Variants in RBFOX1 observed in about 807,000 individuals in gnomAD.
The protein encoded by RBFOX1 is RNA binding protein fox-1 homolog 1.
A neutral mutation model predicts 57.7 loss-of-function variants in RBFOX1; 8 were observed. The observed-to-expected ratio is 0.14, with a 90% CI of 0.08 to 0.25. The LOEUF (loss-of-function observed/expected upper bound fraction) is 0.25, where lower values mean the gene tolerates loss of function less well. Among genes scored for constraint, RBFOX1 ranks in the 10% least tolerant of loss-of-function variants. RBFOX1 has a pLI of 1.00. For missense variants in RBFOX1, 611 were observed against 548.5 expected (o/e 1.11, Z -1.14); for synonymous variants, 326 against 222.4 (o/e 1.47, Z -4.15).
intron 3 of RBFOX1, among the ~76,000 whole-genome samples, chr16:6,728,146 T>A (rs1210729660): frequency 1.3e-5 from 2 of 152,246 alleles, no homozygotes; most frequent in Non-Finnish European, 2.9e-5. Context: ...TTTGTTTTCA[T>A]ATCCATTCAT....
At chr16:6,879,623 G>A (rs1390913208) in intron 3 of RBFOX1, among the ~76,000 whole-genome samples, 1 of 152,138 alleles carries the variant, frequency 6.6e-6, no homozygotes, top group African/African-American at 2.4e-5. Context: ...AATATGTCAT[G>A]CGATGTTTTA....
intron 4 of RBFOX1, among the ~76,000 whole-genome samples, chr16:7,226,193 C>G (rs1198017972): frequency 1.3e-5 from 2 of 152,176 alleles, no homozygotes; most frequent in South Asian, 2.1e-4. Context: ...CTCAGGTACC[C>G]TGTGCACATC....
At chr16:7,200,637 A>G (rs1166469342) in intron 4 of RBFOX1, among the ~76,000 whole-genome samples, 3 of 152,208 alleles carry the variant, frequency 2.0e-5, no homozygotes, top group South Asian at 2.1e-4. Flanking sequence ...TTTTAAAGGA[A>G]TAGAGTGCTT....
intron 2 of RBFOX1, among the ~76,000 whole-genome samples, chr16:6,459,968 G>C (rs998860738): frequency 6.1e-5 from 5 of 82,236 alleles, no homozygotes; most frequent in Non-Finnish European, 9.3e-5. Context: ...CGGGCAACAA[G>C]AGTGAAACTC....
intron 4 of RBFOX1, among the ~76,000 whole-genome samples, chr16:7,350,285 A>G (rs1033150695): frequency 1.3e-5 from 2 of 152,134 alleles, no homozygotes; most frequent in Non-Finnish European, 2.9e-5. Flanking sequence ...AAAGAGGTCT[A>G]AGGGGAGGAA....
intron 1 of RBFOX1, among the ~76,000 whole-genome samples, chr16:6,273,636 A>G (rs1335411646): frequency 1.3e-5 from 2 of 152,022 alleles, no homozygotes; most frequent in Non-Finnish European, 2.9e-5. Flanking sequence ...GTGAGCCACC[A>G]TGCTTGGCCT....
chr16:7,607,039 G>C (rs554284208), intron 9 of RBFOX1, among the ~76,000 whole-genome samples: 17 of 152,090 alleles, frequency 1.1e-4, no homozygotes, highest in African/African-American at 4.1e-4. Context: ...TTTTCAAAGG[G>C]TTCACTTGTG....
chr16:6,872,044 T>C (rs998390456), intron 3 of RBFOX1, among the ~76,000 whole-genome samples: 8 of 151,540 alleles, frequency 5.3e-5, no homozygotes, highest in Admixed American at 1.3e-4. Context: ...GTAGGTATCG[T>C]TTCTGGAAAG....
At chr16:7,301,886 C>G (rs1480938476) in intron 4 of RBFOX1, among the ~76,000 whole-genome samples, 3 of 152,042 alleles carry the variant, frequency 2.0e-5, no homozygotes, top group African/African-American at 7.2e-5. Context: ...TGTGGAGTGA[C>G]TTTCTCTTTA....
intron 4 of RBFOX1, among the ~76,000 whole-genome samples, chr16:6,007,953 C>A (rs1024314082): frequency 6.6e-6 from 1 of 152,262 alleles, no homozygotes; most frequent in African/African-American, 2.4e-5. Context: ...TGGCTCACAT[C>A]TGTAATCCCA....
At chr16:7,096,931 C>CAAAAAAA (rs59519427) in intron 4 of RBFOX1, among the ~76,000 whole-genome samples, 5 of 69,102 alleles carry the variant, frequency 7.2e-5, no homozygotes, top group African/African-American at 2.3e-4. Context: ...GACTCCATCT[C>CAAAAAAA]AAAAAAAAAA....
At chr16:6,871,394 C>T (rs2060850436) in intron 3 of RBFOX1, among the ~76,000 whole-genome samples, 1 of 152,108 alleles carries the variant, frequency 6.6e-6, no homozygotes, top group African/African-American at 2.4e-5. Flanking sequence ...GTATGTTGGC[C>T]AGGCTGGTCT....
At chr16:6,931,465 G>A (rs1407422231) in intron 3 of RBFOX1, among the ~76,000 whole-genome samples, 1 of 152,080 alleles carries the variant, frequency 6.6e-6, no homozygotes, top group Non-Finnish European at 1.5e-5. Context: ...TCTCTGCAGG[G>A]TATAATCCCA....
intron 3 of RBFOX1, among the ~76,000 whole-genome samples, chr16:6,908,142 T>G (rs961739831): frequency 1.3e-5 from 2 of 151,762 alleles, no homozygotes; most frequent in African/African-American, 4.8e-5. Context: ...GGGAAACAAT[T>G]CAGCTCCTAA....
At chr16:6,323,516 A>G (rs2082040720) in intron 2 of RBFOX1, among the ~76,000 whole-genome samples, 1 of 152,074 alleles carries the variant, frequency 6.6e-6, no homozygotes, top group African/African-American at 2.4e-5. Context: ...AGTTGAATGA[A>G]TTTGTGCTGT....
At chr16:5,588,346 G>C (rs2046900034) in intron 2 of RBFOX1, among the ~76,000 whole-genome samples, 1 of 152,142 alleles carries the variant, frequency 6.6e-6, no homozygotes, top group Non-Finnish European at 1.5e-5. Context: ...AGAATTACTA[G>C]GTGAATTAGC....
intron 2 of RBFOX1, among the ~76,000 whole-genome samples, chr16:6,519,045 A>T (rs544473476): frequency 6.6e-6 from 1 of 151,418 alleles, no homozygotes; most frequent in South Asian, 2.1e-4. Flanking sequence ...CTTAATTCTA[A>T]CTACTTTCTC....
intron 2 of RBFOX1, among the ~76,000 whole-genome samples, chr16:6,391,385 C>T (rs184533243): frequency 6.6e-6 from 1 of 152,050 alleles, no homozygotes; most frequent in East Asian, 2.0e-4. Flanking sequence ...CGGCGGGCAC[C>T]TGTAGTCCCA....
chr16:5,671,317 A>G (rs535019257), intron 3 of RBFOX1, among the ~76,000 whole-genome samples: 1 of 152,338 alleles, frequency 6.6e-6, no homozygotes, highest in South Asian at 2.1e-4. Flanking sequence ...AGACATGATC[A>G]TCTTATTAGT....
Sources: allele counts gnomAD v4.1 joint callset (sites outside exome capture counted in the v4.1 genomes callset), GRCh38; gene constraint gnomAD v4.1.1; transcripts MANE v1.5; gene names NCBI Gene and HGNC (gene_info 2026-07-23, HGNC 2026-07-21).